The following PRKAR2B variants were observed in gnomAD, a reference collection of about 807,000 sequenced individuals.
The protein encoded by PRKAR2B is protein kinase cAMP-dependent type II regulatory subunit beta, also known as cAMP-dependent protein kinase type II-beta regulatory subunit.
PRKAR2B carries 14 observed loss-of-function variants against 49.9 expected under a neutral mutation model. The ratio of observed to expected loss-of-function variants is 0.28; its 90% CI spans 0.19 to 0.44. The LOEUF (loss-of-function observed/expected upper bound fraction) is 0.44, where lower values mean the gene tolerates loss of function less well. Among genes scored for constraint, PRKAR2B ranks in the 20% least tolerant of loss-of-function variants. PRKAR2B has a pLI of 1.00. For missense variants in PRKAR2B, 393 were observed against 537.9 expected (o/e 0.73, Z 2.67); for synonymous variants, 196 against 197.7 (o/e 0.99, Z 0.07).
chr7:107,059,849 T>G (rs1793992219), intron 1 of PRKAR2B, among the ~76,000 whole-genome samples: 1 of 152,144 alleles, frequency 6.6e-6, no homozygotes, highest in South Asian at 2.1e-4. Flanking sequence ...ATAATACTTC[T>G]AAGATTTTCT....
chr7:107,148,913 G>A (rs149509422), intron 6 of PRKAR2B, among the ~76,000 whole-genome samples: 163 of 152,338 alleles, frequency 1.1e-3, no homozygotes, highest in Admixed American at 2.1e-3. Flanking sequence ...ATGTCACAGT[G>A]GGTGTGAAGA....
intron 4 of PRKAR2B, among the ~76,000 whole-genome samples, chr7:107,129,244 A>G (rs544762782): frequency 6.6e-6 from 1 of 152,282 alleles, no homozygotes; most frequent in South Asian, 2.1e-4. Flanking sequence ...TTTCTAGTGT[A>G]ATTTATGTTT....
intron 5 of PRKAR2B, among the ~76,000 whole-genome samples, chr7:107,143,106 A>G (rs1173479989): frequency 1.3e-5 from 2 of 152,256 alleles, no homozygotes; most frequent in Non-Finnish European, 2.9e-5. Flanking sequence ...TGTGATTTCA[A>G]CTGGACTGAT....
chr7:107,046,268 T>C (rs144760190), intron 1 of PRKAR2B, among the ~76,000 whole-genome samples: 6 of 152,300 alleles, frequency 3.9e-5, no homozygotes, highest in East Asian at 1.9e-4. Flanking sequence ...CTCTTTGTGG[T>C]GTAAGGCAAA....
At chr7:107,124,928 A>G (rs1795457926) in intron 3 of PRKAR2B, among the ~76,000 whole-genome samples, 1 of 152,036 alleles carries the variant, frequency 6.6e-6, no homozygotes, top group South Asian at 2.1e-4. Context: ...TCTCCTTTGC[A>G]ACTACTCAGT....
chr7:107,084,100 T>G (rs1049005910), intron 2 of PRKAR2B, among the ~76,000 whole-genome samples: 4 of 152,200 alleles, frequency 2.6e-5, no homozygotes, highest in African/African-American at 9.7e-5. Flanking sequence ...TAAATATTTT[T>G]TTGCACTAAA....
chr7:107,125,718 T>C (rs1055133382), intron 3 of PRKAR2B, among the ~76,000 whole-genome samples: 1 of 151,144 alleles, frequency 6.6e-6, no homozygotes, highest in South Asian at 2.1e-4. Context: ...AATGGCAGGG[T>C]GAGGGAAAAG....
Position 107,128,281 on chromosome 7 carries a change from A to G in PRKAR2B, c.466A>G (p.Lys156Glu). 2 of 1,609,032 alleles carry G rather than the reference A, an allele frequency of 1.2e-6. No individual in the cohort carries two copies. The highest frequency in any genetic ancestry group is 1.7e-6 in the Non-Finnish European group (2 of 1,175,414). Residue 156 changes from lysine (K) to glutamate (E), a missense_variant, in exon 4 of 11, where the codon AAG becomes GAG. Transcript: ENST00000265717. ...QEACKDILLF[K>E]NLDPEQMSQV... ...GGCTTGCAAAGACATCCTGCTGTTT[A>G]AGAATCTGGATCCGGTAAGATAAAT...
In PRKAR2B at chr7:107,094,569, T is replaced by G. The variant is rs867258299; in HGVS notation, c.343+24253T>G. Among the ~76,000 whole-genome samples the G allele has an allele frequency of 3.3e-5, 5 of 152,338 alleles. No individual in the cohort carries two copies. The South Asian group carries it at 6.2e-4, about 19-fold the overall frequency. On this transcript the variant is annotated intron_variant, in intron 2 of 10. Coordinates refer to ENST00000265717, the MANE Select transcript of PRKAR2B (RefSeq NM_002736.3). ...GCCATTGCTTTTGGTGTTTTAGTCA[T>G]GAAATCTTTGCCCATGCCTATGTCC...
At chr7:107,063,902 G>A (rs1001681575) in intron 1 of PRKAR2B, among the ~76,000 whole-genome samples, 1 of 152,090 alleles carries the variant, frequency 6.6e-6, no homozygotes, top group African/African-American at 2.4e-5. Flanking sequence ...AGTTTGGATT[G>A]TTTACTCTTA....
chr7:107,135,567 T>G (rs1432787597), intron 4 of PRKAR2B, among the ~76,000 whole-genome samples: 5 of 152,138 alleles, frequency 3.3e-5, no homozygotes. Flanking sequence ...TCACTTTCCT[T>G]TATATCAGCA....
chr7:107,058,498 ATAAT>A (rs1336981522), intron 1 of PRKAR2B, among the ~76,000 whole-genome samples: 1 of 152,204 alleles, frequency 6.6e-6, no homozygotes, highest in Admixed American at 6.6e-5. Flanking sequence ...CAAATTGCTA[ATAAT>A]TTATTTTTAG....
intron 4 of PRKAR2B, among the ~76,000 whole-genome samples, chr7:107,129,757 A>G (rs1472437856): frequency 3.3e-5 from 5 of 152,236 alleles, no homozygotes; most frequent in African/African-American, 1.2e-4. Context: ...ATGCTAAACA[A>G]GGGGTGGATT....
intron 8 of PRKAR2B, among the ~76,000 whole-genome samples, chr7:107,153,459 A>G (rs913401160): frequency 2.6e-5 from 4 of 152,330 alleles, no homozygotes; most frequent in South Asian, 2.1e-4. Context: ...TTAACTCCTA[A>G]TGAAGGTGTA....
At chr7:107,087,610 C>T (rs1794646236) in intron 2 of PRKAR2B, among the ~76,000 whole-genome samples, 1 of 152,166 alleles carries the variant, frequency 6.6e-6, no homozygotes, top group Admixed American at 6.6e-5. Context: ...CAAGCTTACA[C>T]AGTGACTGAT....
intron 1 of PRKAR2B, among the ~76,000 whole-genome samples, chr7:107,065,313 GGTGTGTGTATGTGTGTGT>G (rs1794113354): frequency 3.1e-5 from 4 of 130,296 alleles, no homozygotes; most frequent in African/African-American, 1.2e-4. Context: ...GTTTGCTCGG[GGTGTGTGTATGTGTGTGT>G]GTGTGTGTGT....
At chr7:107,072,068 CA>C (rs33947575) in intron 2 of PRKAR2B, among the ~76,000 whole-genome samples, 48,923 of 121,744 alleles carry the variant, frequency 0.4, 9,906 homozygotes, top group South Asian at 0.5. Flanking sequence ...GACCGCATCT[CA>C]AAAAAAAAAA....
intron 2 of PRKAR2B, among the ~76,000 whole-genome samples, chr7:107,098,241 C>T (rs867024530): frequency 4.6e-5 from 7 of 152,168 alleles, no homozygotes; most frequent in South Asian, 2.1e-4. Flanking sequence ...CTTGTCTTCT[C>T]GCTTCATTTC....
chr7:107,121,345 C>T (rs1226741101), intron 2 of PRKAR2B, among the ~76,000 whole-genome samples: 12 of 152,184 alleles, frequency 7.9e-5, no homozygotes, highest in Non-Finnish European at 8.8e-5. Flanking sequence ...TAGTTATTTA[C>T]GGCATATAAT....
Sources: gnomAD v4.1 joint callset for allele counts (sites outside exome capture counted in the v4.1 genomes callset) on GRCh38, gnomAD v4.1.1 for gene constraint, MANE v1.5 for transcripts, NCBI Gene and HGNC (gene_info 2026-07-23, HGNC 2026-07-21) for gene names.